SH3D21: variants seen among roughly 807,000 people sequenced by gnomAD.
SH3D21 encodes SH3 domain-containing protein 21.
A neutral mutation model predicts 82.1 loss-of-function variants in SH3D21; 83 were observed. The ratio of observed to expected loss-of-function variants is 1.01; its 90% confidence interval spans 0.85 to 1.21. The LOEUF is 1.21. Among genes scored for constraint, SH3D21 ranks in the 50% most tolerant of loss-of-function variants. The pLI is 0.00. For synonymous variants in SH3D21, 383 were observed against 387.8 expected (o/e 0.99, Z 0.15); for missense variants, 980 against 962.1 (o/e 1.02, Z -0.25).
chr1:36,319,473 G>T lies in SH3D21; in HGVS notation c.948G>T (p.Ser316=). The change falls in exon 13 of 16, where the codon TCG becomes TCT. Residue 316 remains serine, a synonymous_variant. Coordinates refer to ENST00000453908, the MANE Select transcript of SH3D21 (RefSeq NM_001162530.2). ...GPNGGFQSGG[S]YHPGRKRSKT... ...ATGGTGGCTTCCAAAGTGGGGGTTC[G>T]TATCACCCTGGCCGAAAGCGATCCA... The T allele has an allele frequency of 1.3e-6, 2 of 1,551,604 alleles. No homozygotes were observed. Among genetic ancestry groups the T allele is most frequent in the Non-Finnish European group, 1.7e-6 (2 of 1,146,962 alleles).
Position 36,321,076 on chromosome 1 carries a change from C to T in SH3D21, c.2220C>T (p.Thr740=). ...RRLEVQVMQG[T]QKSQTPRVIH... is the part of the protein sequence containing the mutation. ...ACCAGGTCCAGGTGATGCAGGGGAC[C>T]CAGAAGTCCCAGACCCCGCGCGTCA... The change falls in exon 16 of 16, where the codon ACC becomes ACT. Residue 740 remains threonine (T), a synonymous_variant. Transcript: ENST00000453908. This position sits in a 1 kb window ranked among gnomAD's most constrained non-coding sequence, Gnocchi z 6.1. 1 of 1,612,124 alleles carries T rather than the reference C, an allele frequency of 6.2e-7. No individual in the cohort carries two copies. The highest frequency in any genetic ancestry group is 8.5e-7 in the Non-Finnish European group (1 of 1,179,416).
At chr1:36,311,136 T>C (rs1646231289) in intron 10 of SH3D21, among the ~76,000 whole-genome samples, 2 of 152,212 alleles carry the variant, frequency 1.3e-5, no homozygotes, top group Non-Finnish European at 2.9e-5. Context: ...CTTGAACTCC[T>C]GAGCTCAGGC....
chr1:36,309,278 C>T (rs1309482913), intron 9 of SH3D21, among the ~76,000 whole-genome samples: 2 of 151,788 alleles, frequency 1.3e-5, no homozygotes, highest in East Asian at 3.9e-4. Flanking sequence ...CTCACTGCAA[C>T]CTCCCCCTCT....
In SH3D21 at chr1:36,308,428, G is replaced by A. The variant is rs1646174555; in HGVS notation, c.679G>A (p.Gly227Arg). 1 of 1,551,808 alleles carries A rather than the reference G, an allele frequency of 6.4e-7. No homozygotes were observed. The highest frequency in any genetic ancestry group is 1.4e-5 in the African/African-American group (1 of 73,028). ...GGGCTGGTGGGAAGGAGAGTGTCAAGGACGAAGAGGAGTTTTTCCAGACAA... is the reference window on the plus strand; with the variant it reads ...GGGCTGGTGGGAAGGAGAGTGTCAAAGACGAAGAGGAGTTTTTCCAGACAA... ...DKGWWEGECQ[G>R]RRGVFPDNFV... is the part of the protein sequence containing the mutation. Residue 227 changes from glycine (G) to arginine (R), a missense_variant, in exon 9 of 16, where the codon GGA becomes AGA. Physicochemically the swap from Gly to Arg is moderately radical, Grantham distance 125. Coordinates refer to ENST00000453908, the MANE Select transcript of SH3D21 (RefSeq NM_001162530.2).
In SH3D21 at chr1:36,306,926, G is replaced by T; in HGVS notation, c.226+21G>T. ...CCGAGGTGAGCGCAAGGGCGGGGACGGGCGCCGGTGGGCGGGTGCACGGAG... is the reference window on the plus strand; with the variant it reads ...CCGAGGTGAGCGCAAGGGCGGGGACTGGCGCCGGTGGGCGGGTGCACGGAG... On this transcript the variant is annotated intron_variant, in intron 3 of 15. Transcript: ENST00000453908. The surrounding 1 kb of genome is among the most constrained non-coding windows in gnomAD (Gnocchi z 4.5). 7.6e-7 allele frequency: 1 copy of T among 1,319,100 alleles called. No homozygotes were observed. The highest frequency in any genetic ancestry group is 4.6e-5 in the East Asian group (1 of 21,542). 81.7% of individuals were successfully genotyped at this position (1,319,100 alleles called of 1,614,324 possible).
intron 14 of SH3D21, 41 bp downstream of exon 14, chr1:36,320,839 C>A: frequency 6.4e-7 from 1 of 1,550,422 alleles, no homozygotes; most frequent in Non-Finnish European, 8.7e-7. Flanking sequence ...GTAGGGTTCC[C>A]CCTAGCCCTC....
downstream of SH3D21, among the ~76,000 whole-genome samples, chr1:36,325,607 C>T (rs908309902): frequency 3.3e-5 from 5 of 152,024 alleles, no homozygotes; most frequent in African/African-American, 4.8e-5. Context: ...TGCAGTGGCG[C>T]GATCTCGGCT....
At position 36,307,547 on chromosome 1, in the gene SH3D21, A is replaced by G; in HGVS notation, c.376A>G (p.Asn126Asp). ...IEDGWWLGKK[N>D]GQLGAFPSNF... ...GGACGGCTGGTGGCTGGGGAAGAAG[A>G]ACGGGCAGCTGGGAGCCTTCCCATC... Residue 126 changes from asparagine to aspartate, a missense_variant, in exon 5 of 16, where the codon AAC becomes GAC. Transcript: ENST00000453908. This position sits in a 1 kb window ranked among gnomAD's most constrained non-coding sequence, Gnocchi z 5.4. 1 of 1,551,642 alleles carries G rather than the reference A, an allele frequency of 6.4e-7. No individual in the cohort carries two copies. The highest frequency in any genetic ancestry group is 8.7e-7 in the Non-Finnish European group (1 of 1,146,970).
chr1:36,317,375 G>T (rs546585454), intron 10 of SH3D21, among the ~76,000 whole-genome samples: 1 of 152,320 alleles, frequency 6.6e-6, no homozygotes, highest in East Asian at 1.9e-4. Flanking sequence ...TTGTGGATTT[G>T]TATACGTATC....
chr1:36,330,128 C>T (rs111876618), downstream of SH3D21, among the ~76,000 whole-genome samples: 17 of 152,302 alleles, frequency 1.1e-4, 2 homozygotes, highest in African/African-American at 3.4e-4. Flanking sequence ...TCACACACCC[C>T]GACCCAGTTC....
chr1:36,327,999 C>T (rs1646561897), downstream of SH3D21: 2 of 618,334 alleles, frequency 3.2e-6, no homozygotes, highest in Non-Finnish European at 5.3e-6. Flanking sequence ...CAACTATCCA[C>T]CTGCCCATCT....
At chr1:36,314,799 G>A (rs1376688180) in intron 10 of SH3D21, among the ~76,000 whole-genome samples, 1 of 152,002 alleles carries the variant, frequency 6.6e-6, no homozygotes, top group Non-Finnish European at 1.5e-5. Context: ...TTTTGATGAA[G>A]TCCCATTTAT....
Position 36,306,425 on chromosome 1 carries a change from G to T in SH3D21, c.4+1G>T, listed in dbSNP as rs1472144884. 1 of 1,305,432 alleles carries T rather than the reference G, an allele frequency of 7.7e-7. No homozygotes were observed. The highest frequency in any genetic ancestry group is 1.5e-5 in the African/African-American group (1 of 65,996). 80.9% of individuals were successfully genotyped at this position (1,305,432 alleles called of 1,614,324 possible). On this transcript the variant is annotated splice_donor_variant, in intron 1 of 15. Coordinates refer to ENST00000453908, the MANE Select transcript of SH3D21 (RefSeq NM_001162530.2). LOFTEE classifies it high-confidence loss of function. This position sits in a 1 kb window ranked among gnomAD's most constrained non-coding sequence, Gnocchi z 4.5. ...CTGGAGGGCGCCCCGGAAACCATGG[G>T]TAAGTGCGGAGGCTTTGAGGTGGCC...
downstream of SH3D21, chr1:36,322,919 ATGG>A (rs1014702841): frequency 6.3e-7 from 1 of 1,591,510 alleles, no homozygotes; most frequent in Non-Finnish European, 8.6e-7. Flanking sequence ...AGGGAAGGGG[ATGG>A]TGGTCAGGGA....
At chr1:36,308,324 G>A (rs571890648) in intron 8 of SH3D21, 65 bp from the exon 9 acceptor site, 1 of 1,505,908 alleles carries the variant, frequency 6.6e-7, no homozygotes. Flanking sequence ...ATAAGAAGGA[G>A]TGGGACCCCG....
At chr1:36,311,841 A>C (rs2995228) in intron 10 of SH3D21, among the ~76,000 whole-genome samples, 5,075 of 151,804 alleles carry the variant, frequency 0.033, 319 homozygotes, top group African/African-American at 0.12. Flanking sequence ...CTACAGGTAC[A>C]AGCCACCATG....
intron 10 of SH3D21, among the ~76,000 whole-genome samples, chr1:36,313,835 G>A (rs772697998): frequency 2.0e-5 from 3 of 151,874 alleles, no homozygotes; most frequent in Admixed American, 1.3e-4. Flanking sequence ...AAAATACTGG[G>A]ATTACAGTTG....
intron 10 of SH3D21, among the ~76,000 whole-genome samples, chr1:36,318,110 C>A (rs191582082): frequency 3.9e-5 from 6 of 152,078 alleles, no homozygotes; most frequent in Non-Finnish European, 7.4e-5. Flanking sequence ...TGATTGACTT[C>A]AGGAAATATT....
In SH3D21 at chr1:36,319,171, A is replaced by G. The variant is rs973436144; in HGVS notation, c.863+7A>G. The G allele has an allele frequency of 3.9e-6, 6 of 1,550,972 alleles. No individual in the cohort carries two copies. In the Admixed American group the frequency reaches 5.9e-5, roughly 15 times the overall value. On this transcript the variant is annotated splice_region_variant and intron_variant, in intron 11 of 15. Transcript: ENST00000453908. Reference sequence around the variant, plus strand: ...CTGGGCCCAGCAAAGCCAAGTAAGGAGCAGGATGGGGTTGGGGGAAGGAGG... The same window carrying G: ...CTGGGCCCAGCAAAGCCAAGTAAGGGGCAGGATGGGGTTGGGGGAAGGAGG...
Sources: allele counts gnomAD v4.1 joint callset (sites outside exome capture counted in the v4.1 genomes callset), GRCh38; gene constraint gnomAD v4.1.1; non-coding constraint Gnocchi (gnomAD v3.1); transcripts MANE v1.5; gene names NCBI Gene and HGNC (gene_info 2026-07-23, HGNC 2026-07-21).